SHANK2: variants seen among roughly 807,000 people sequenced by gnomAD.
SHANK2 encodes the protein SH3 and multiple ankyrin repeat domains 2, also known as SH3 and multiple ankyrin repeat domains protein 2.
A neutral mutation model predicts 133.7 loss-of-function variants in SHANK2; 43 were observed. The ratio of observed to expected loss-of-function variants is 0.32; its 90% CI spans 0.25 to 0.41. The LOEUF (loss-of-function observed/expected upper bound fraction) is 0.41. Ranked by LOEUF, SHANK2 falls within the 10% of genes least tolerant of loss-of-function variation. The probability of loss-of-function intolerance (pLI) is 1.00; values close to 1 mark genes in which losing one functional copy is unlikely to be tolerated. For synonymous variants in SHANK2, 1,017 were observed against 952.8 expected, an observed-to-expected ratio of 1.07 and a Z score of -1.24; for missense variants, 1,994 against 2,235.8, an observed-to-expected ratio of 0.89 and a Z score of 2.18.
At chr11:70,903,400 TAAAA>T (rs1426997269) in intron 10 of SHANK2, among the ~76,000 whole-genome samples, 1 of 122,942 alleles carries the variant, frequency 8.1e-6, no homozygotes, top group Non-Finnish European at 1.7e-5. Context: ...GTAAATAAAA[TAAAA>T]TAAAATAAAA....
At chr11:70,749,727 T>C (rs1041993812) in intron 14 of SHANK2, among the ~76,000 whole-genome samples, 1 of 151,932 alleles carries the variant, frequency 6.6e-6, no homozygotes, top group African/African-American at 2.4e-5. Flanking sequence ...AACAATCCAA[T>C]GGACAGCCTT....
rs1337474536 is a variant in SHANK2 at position 70,624,584 on chromosome 11, T to TC, written c.2061+35243dup. ...AACCGTCTTTCCCTTAAGGCAGCAG[T>TC]CCTCAGCCAGGGGTGATGGTGCCCC... is the stretch of plus-strand genomic sequence containing the variant. On this transcript the variant is annotated intron_variant, in intron 17 of 25. Transcript: ENST00000601538. 2.0e-5 allele frequency among the ~76,000 whole-genome samples: 3 copies of TC among 148,544 alleles called. 1 individual carries two copies. The highest frequency in any genetic ancestry group is 7.3e-5 in the African/African-American group (3 of 40,898).
At chr11:71,236,257 A>T (rs570877120) in intron 1 of SHANK2, among the ~76,000 whole-genome samples, 159 of 152,342 alleles carry the variant, frequency 1.0e-3, no homozygotes, top group Non-Finnish European at 1.8e-3. Context: ...ACAAAATTTA[A>T]AAATGCATTA....
chr11:70,840,125 G>T (rs1156951215), intron 11 of SHANK2, among the ~76,000 whole-genome samples: 1 of 152,216 alleles, frequency 6.6e-6, no homozygotes, highest in Non-Finnish European at 1.5e-5. Flanking sequence ...AGTGTGAGGG[G>T]CTTTGAGGAC....
At chr11:70,875,105 G>A (rs1291873365) in intron 11 of SHANK2, among the ~76,000 whole-genome samples, 3 of 152,154 alleles carry the variant, frequency 2.0e-5, no homozygotes, top group Admixed American at 6.5e-5. Context: ...TTAGACCAAC[G>A]ATTGGGGGAA....
intron 4 of SHANK2, among the ~76,000 whole-genome samples, chr11:71,115,125 C>T (rs1951954436): frequency 6.6e-6 from 1 of 152,200 alleles, no homozygotes; most frequent in Non-Finnish European, 1.5e-5. Flanking sequence ...CTGAGCCAAT[C>T]TCAGCCTTTG....
chr11:70,533,636 T>C (rs913148078), intron 17 of SHANK2, among the ~76,000 whole-genome samples: 1 of 152,106 alleles, frequency 6.6e-6, no homozygotes, highest in Non-Finnish European at 1.5e-5. Flanking sequence ...CATGCATATT[T>C]CTTTAATTGA....
At chr11:70,764,021 T>C (rs1947052944) in intron 14 of SHANK2, among the ~76,000 whole-genome samples, 1 of 122,714 alleles carries the variant, frequency 8.1e-6, no homozygotes, top group African/African-American at 2.7e-5. Context: ...AAGTTTTCCA[T>C]TGCTCAAACT....
chr11:71,106,332 T>C lies in SHANK2; in HGVS notation c.592+3609A>G, dbSNP rs78594395. Reference sequence around the variant, plus strand: ...ATTGAAAATAAGAGGCTGGGCTCAGTGGCTCACGCCTGTAATCCAAACACT... The same window carrying C: ...ATTGAAAATAAGAGGCTGGGCTCAGCGGCTCACGCCTGTAATCCAAACACT... On this transcript the variant is annotated intron_variant, in intron 6 of 25. Coordinates refer to ENST00000601538, the MANE Select transcript of SHANK2 (RefSeq NM_012309.5). 1.6e-3 allele frequency among the ~76,000 whole-genome samples: 249 copies of C among 152,348 alleles called. 2 individuals carry two copies. The highest frequency in any genetic ancestry group is 2.2e-3 in the Non-Finnish European group (149 of 68,028).
At position 70,532,528 on chromosome 11, in the gene SHANK2, C is replaced by T. The variant is rs139387715; in HGVS notation, c.2062-29597G>A. Among the ~76,000 whole-genome samples, 736 of 152,158 alleles carry T rather than the reference C, an allele frequency of 4.8e-3. 4 individuals carry two copies. The highest frequency in any genetic ancestry group is 7.4e-3 in the Admixed American group (113 of 15,286). ...TCCTAGAGGGAGGGCCCCTGGTCCT[C>T]GCCAGACTCTAAAATGGAGTCACAA... On this transcript the variant is annotated intron_variant, in intron 17 of 25. Transcript: ENST00000601538.
At chr11:70,740,109 ACAGCAC>A (rs1946490288) in intron 14 of SHANK2, among the ~76,000 whole-genome samples, 1 of 150,892 alleles carries the variant, frequency 6.6e-6, no homozygotes, top group Non-Finnish European at 1.5e-5. Flanking sequence ...GGCTCCGTCC[ACAGCAC>A]CTAGGACAGA....
intron 17 of SHANK2, among the ~76,000 whole-genome samples, chr11:70,622,763 C>A (rs146152760): frequency 1.8e-3 from 271 of 152,342 alleles, no homozygotes; most frequent in South Asian, 3.5e-3. Flanking sequence ...GGAACACCAT[C>A]CAACCCCCTA....
intron 17 of SHANK2, among the ~76,000 whole-genome samples, chr11:70,538,656 TC>T (rs2059574748): frequency 6.6e-6 from 1 of 152,226 alleles, no homozygotes; most frequent in Non-Finnish European, 1.5e-5. Context: ...TCACTCTTGC[TC>T]CGTCAGTGGT....
At chr11:70,599,605 CAAAAAAAAAAAAAAAAAAA>C (rs1160187418) in intron 17 of SHANK2, among the ~76,000 whole-genome samples, 4 of 30,318 alleles carry the variant, frequency 1.3e-4, no homozygotes, top group African/African-American at 1.6e-4. Context: ...GACTCCGTCT[CAAAAAAAAAAAAAAAAAAA>C]AAAAAAAAAA....
intron 14 of SHANK2, among the ~76,000 whole-genome samples, chr11:70,708,466 A>G (rs1476767850): frequency 2.0e-5 from 3 of 150,554 alleles, no homozygotes; most frequent in African/African-American, 4.9e-5. Flanking sequence ...CAGTCCCCGC[A>G]CTCCCCCACC....
intron 14 of SHANK2, among the ~76,000 whole-genome samples, chr11:70,732,116 G>T (rs1946302217): frequency 6.6e-6 from 1 of 152,064 alleles, no homozygotes; most frequent in Non-Finnish European, 1.5e-5. Context: ...TCACCCTCCA[G>T]CCCAACCCAT....
chr11:70,886,237 T>C (rs986201842), intron 11 of SHANK2, among the ~76,000 whole-genome samples: 6 of 152,226 alleles, frequency 3.9e-5, no homozygotes, highest in Admixed American at 3.9e-4. Flanking sequence ...AACTGCTGTG[T>C]CTGTTGGGGG....
intron 14 of SHANK2, among the ~76,000 whole-genome samples, chr11:70,796,786 CT>C (rs1229857287): frequency 1.3e-5 from 2 of 152,208 alleles, no homozygotes; most frequent in Admixed American, 1.3e-4. Flanking sequence ...GAAGCTCCCC[CT>C]GGTGACCAAA....
chr11:71,118,587 A>G (rs1272115430), intron 4 of SHANK2, among the ~76,000 whole-genome samples: 6 of 152,118 alleles, frequency 3.9e-5, no homozygotes, highest in Non-Finnish European at 7.4e-5. Context: ...CTCCTCCCTC[A>G]ATACATGGGG....
Sources: gnomAD v4.1 joint callset for allele counts (sites outside exome capture counted in the v4.1 genomes callset) on GRCh38, gnomAD v4.1.1 for gene constraint, MANE v1.5 for transcripts, NCBI Gene and HGNC (gene_info 2026-07-23, HGNC 2026-07-21) for gene names.